Variants in RERE observed in about 807,000 individuals in gnomAD.
RERE encodes arginine-glutamic acid dipeptide repeats protein.
In RERE, 40 loss-of-function variants were observed where a neutral mutation model predicts 146.1. The ratio of observed to expected loss-of-function variants is 0.27; its 90% CI spans 0.21 to 0.36. The LOEUF (loss-of-function observed/expected upper bound fraction) is 0.36. Ranked by LOEUF, RERE falls within the 10% of genes least tolerant of loss-of-function variation. The pLI, the probability that RERE is intolerant of heterozygous loss-of-function variation, is 1.00. For missense variants in RERE, 1,933 were observed against 2,138.7 expected (o/e 0.90, Z 1.90); for synonymous variants, 1,003 against 866.0 (o/e 1.16, Z -2.78).
At chr1:8,375,498 A>AAGCCACTGAAAATGCTTCCTCGCTCAGC (rs1642204449) in intron 12 of RERE, among the ~76,000 whole-genome samples, 1 of 151,808 alleles carries the variant, frequency 6.6e-6, no homozygotes, top group Non-Finnish European at 1.5e-5. Flanking sequence ...GTGGCTTAGG[A>AAGCCACTGAAAATGCTTCCTCGCTCAGC]AGCCACTGAA....
intron 1 of RERE, among the ~76,000 whole-genome samples, chr1:8,724,888 A>G (rs953858943): frequency 6.6e-5 from 10 of 150,968 alleles, no homozygotes; most frequent in Non-Finnish European, 1.5e-5. Context: ...AAAAAAAAAA[A>G]AACAACTCAA....
At chr1:8,453,126 T>C (rs1644407802) in intron 11 of RERE, among the ~76,000 whole-genome samples, 1 of 152,204 alleles carries the variant, frequency 6.6e-6, no homozygotes, top group Non-Finnish European at 1.5e-5. Context: ...TCAGAGAATT[T>C]AATGAGGGAG....
rs372554439 is a variant in RERE, at chr1:8,586,206, T to C, written c.522+28355A>G. Reference sequence around the variant, plus strand: ...AGCGAGAGATCTGCAGAGTATTTTATAATAGATTCAGAAGACATATCATAT... The same window carrying C: ...AGCGAGAGATCTGCAGAGTATTTTACAATAGATTCAGAAGACATATCATAT... On this transcript the variant is annotated intron_variant, in intron 4 of 22. Transcript: ENST00000400908. Among the ~76,000 whole-genome samples the C allele has an allele frequency of 2.3e-4, 35 of 152,332 alleles. No homozygotes were observed. The South Asian group carries it at 7.2e-3, about 32-fold the overall frequency.
At position 8,361,030 on chromosome 1, in the gene RERE, AGCGGGGGATGTGGCGAGGGATGCG is replaced by A. The variant is rs1220714880; in HGVS notation, c.2453_2476del (p.Pro818_Pro825del). The A allele has an allele frequency of 2.1e-6, 3 of 1,430,654 alleles. No homozygotes were observed. Among genetic ancestry groups the A allele is most frequent in the African/African-American group, 1.5e-5 (1 of 68,582 alleles). 88.6% of individuals were successfully genotyped at this position (1,430,654 alleles called of 1,614,324 possible). A position where few individuals can be genotyped will look rare whatever the true frequency, so the allele number is the denominator to read the frequency against. On this transcript the variant is annotated inframe_deletion, in exon 18 of 23. Transcript: ENST00000400908. Reference sequence around the variant, plus strand: ...GCCCGCCGACCCAGTCAGAGGCTGCAGCGGGGGATGTGGCGAGGGATGCGGCGGGGGATGCGGTGAGGGCGGCCG... The same window carrying A: ...GCCCGCCGACCCAGTCAGAGGCTGCAGCGGGGGATGCGGTGAGGGCGGCCG...
At chr1:8,458,281 A>G (rs2124098067) in intron 11 of RERE, among the ~76,000 whole-genome samples, 2 of 152,268 alleles carry the variant, frequency 1.3e-5, no homozygotes, top group South Asian at 4.1e-4. Context: ...AGAGTGGCTG[A>G]AAGTGTATGC....
chr1:8,540,414 G>C (rs909095159), intron 7 of RERE, among the ~76,000 whole-genome samples: 1 of 152,140 alleles, frequency 6.6e-6, no homozygotes, highest in Non-Finnish European at 1.5e-5. Context: ...CACCTGGCCG[G>C]GGATGTTTTA....
intron 1 of RERE, among the ~76,000 whole-genome samples, chr1:8,742,136 A>G (rs957693785): frequency 6.6e-6 from 1 of 152,232 alleles, no homozygotes; most frequent in African/African-American, 2.4e-5. Context: ...ATGAAAATCA[A>G]ATATTACAAC....
chr1:8,475,032 TTAAGA>T (rs1231466842), intron 10 of RERE, among the ~76,000 whole-genome samples: 1 of 152,202 alleles, frequency 6.6e-6, no homozygotes, highest in Non-Finnish European at 1.5e-5. Context: ...ATTTCGACTA[TTAAGA>T]TAAGTGAGAA....
At chr1:8,575,575 T>TTTTG (rs1491458160) in intron 4 of RERE, among the ~76,000 whole-genome samples, 10 of 126,714 alleles carry the variant, frequency 7.9e-5, no homozygotes, top group African/African-American at 2.2e-4. Context: ...TTTTTTTTTT[T>TTTTG]GGCAGAGACA....
At chr1:8,642,495 G>C (rs990253916) in intron 2 of RERE, among the ~76,000 whole-genome samples, 28 of 152,290 alleles carry the variant, frequency 1.8e-4, no homozygotes, top group Middle Eastern at 3.4e-3. Context: ...TAACTTATAA[G>C]AAGAGTTAAG....
At chr1:8,650,452 A>G (rs1259627263) in intron 2 of RERE, among the ~76,000 whole-genome samples, 1 of 152,238 alleles carries the variant, frequency 6.6e-6, no homozygotes, top group Non-Finnish European at 1.5e-5. Flanking sequence ...TATATCCCAT[A>G]GAAATAAATG....
chr1:8,607,725 C>CTT (rs35349056), intron 4 of RERE, among the ~76,000 whole-genome samples: 1,773 of 92,824 alleles, frequency 0.019, 84 homozygotes, highest in East Asian at 0.063. Flanking sequence ...CCATATCTGG[C>CTT]TTTTTTTTTT....
intron 1 of RERE, among the ~76,000 whole-genome samples, chr1:8,763,616 C>G (rs1002456075): frequency 6.6e-6 from 1 of 151,598 alleles, no homozygotes; most frequent in African/African-American, 2.4e-5. Context: ...ACCTGGGCGA[C>G]AGAGCTAGAC....
intron 7 of RERE, chr1:8,512,949 C>T (rs78110809): frequency 0.17 from 26,567 of 152,134 alleles, 2,538 homozygotes; most frequent in Middle Eastern, 0.28. Flanking sequence ...ACAACAAGAT[C>T]GGCGACTACC....
chr1:8,416,511 G>C (rs1023429731), intron 12 of RERE, among the ~76,000 whole-genome samples: 8 of 151,234 alleles, frequency 5.3e-5, no homozygotes, highest in Admixed American at 1.3e-4. Flanking sequence ...GCGTGAACCT[G>C]GGAGGCGGAG....
rs562786029 is a variant in RERE, at chr1:8,666,496, C to T, written c.-144-10055G>A. On this transcript the variant is annotated intron_variant, in intron 1 of 22. Transcript: ENST00000400908. ...ACCAAACAGGCACCCTACAGCTGGG[C>T]GACTTGCTTCCAAAGGGAAATCAAT... 2.6e-3 allele frequency among the ~76,000 whole-genome samples: 400 copies of T among 152,298 alleles called. 2 individuals carry two copies. Among genetic ancestry groups the T allele is most frequent in the African/African-American group, 9.1e-3 (380 of 41,572 alleles).
At chr1:8,662,875 A>G (rs1638486649) in intron 1 of RERE, among the ~76,000 whole-genome samples, 1 of 152,156 alleles carries the variant, frequency 6.6e-6, no homozygotes, top group Admixed American at 6.5e-5. Context: ...CATTGCTGTA[A>G]AAGGGGACAA....
intron 8 of RERE, among the ~76,000 whole-genome samples, chr1:8,501,670 T>G (rs1334018325): frequency 1.5e-5 from 1 of 68,334 alleles, no homozygotes; most frequent in Non-Finnish European, 2.9e-5. Flanking sequence ...AGGTGGGGGG[T>G]CAGCCCCCCG....
chr1:8,439,862 C>T (rs1644223294), intron 11 of RERE, among the ~76,000 whole-genome samples: 1 of 151,858 alleles, frequency 6.6e-6, no homozygotes, highest in Non-Finnish European at 1.5e-5. Context: ...CACCTGAGGT[C>T]AAAAGTTTGA....
Sources: allele counts gnomAD v4.1 joint callset (sites outside exome capture counted in the v4.1 genomes callset), GRCh38; gene constraint gnomAD v4.1.1; transcripts MANE v1.5; gene names NCBI Gene and HGNC (gene_info 2026-07-23, HGNC 2026-07-21).